C10orf67: variants seen among roughly 807,000 people sequenced by gnomAD.
C10orf67 encodes the protein chromosome 10 open reading frame 67, also known as uncharacterized protein C10orf67, mitochondrial.
C10orf67 carries 60 observed loss-of-function variants against 35.6 expected under a neutral mutation model. The ratio of observed to expected loss-of-function variants is 1.68; its 90% CI spans 1.37 to 2.09. C10orf67 has a LOEUF of 2.09. Ranked by LOEUF, C10orf67 falls within the 30% of genes most tolerant of loss-of-function variation. The probability of loss-of-function intolerance (pLI) is 0.00; values close to 1 mark genes in which losing one functional copy is unlikely to be tolerated. For missense variants in C10orf67, 474 were observed against 330.2 expected, an observed-to-expected ratio of 1.44 and a Z score of -3.38; for synonymous variants, 167 against 115.8, an observed-to-expected ratio of 1.44 and a Z score of -2.84.
intron 15 of C10orf67, among the ~76,000 whole-genome samples, chr10:23,216,767 A>G (rs1486862608): frequency 6.6e-6 from 1 of 152,176 alleles, no homozygotes; most frequent in Admixed American, 6.5e-5. Context: ...AAACATGCCA[A>G]ATGATGTTAT....
chr10:23,262,675 C>T (rs1437616534), intron 10 of C10orf67, among the ~76,000 whole-genome samples: 3 of 152,174 alleles, frequency 2.0e-5, no homozygotes, highest in Non-Finnish European at 4.4e-5. Flanking sequence ...TTTTTGACAA[C>T]ATCTTTTCAT....
intron 1 of C10orf67, among the ~76,000 whole-genome samples, chr10:23,339,292 G>T (rs1447829804): frequency 6.6e-6 from 1 of 151,678 alleles, no homozygotes; most frequent in African/African-American, 2.4e-5. Flanking sequence ...CAATTGGGTT[G>T]CTGGTGAACA....
chr10:23,329,787 GA>G (rs2132374476), intron 2 of C10orf67, among the ~76,000 whole-genome samples: 1 of 12,834 alleles, frequency 7.8e-5, no homozygotes, highest in Non-Finnish European at 1.5e-4. Context: ...AACAGAACAA[GA>G]ACTTGTCTCA....
At chr10:23,324,224 T>C (rs1845094851) in intron 2 of C10orf67, among the ~76,000 whole-genome samples, 1 of 151,728 alleles carries the variant, frequency 6.6e-6, no homozygotes, top group South Asian at 2.1e-4. Context: ...CTGATGTAGA[T>C]TCTCTAGAGA....
At chr10:23,221,062 C>G (rs1379028925) in intron 15 of C10orf67, among the ~76,000 whole-genome samples, 1 of 152,146 alleles carries the variant, frequency 6.6e-6, no homozygotes, top group Non-Finnish European at 1.5e-5. Flanking sequence ...AGTCCATTCT[C>G]ATGCTGCTAT....
chr10:23,315,364 T>C (rs1241031375), intron 4 of C10orf67, among the ~76,000 whole-genome samples: 1 of 152,198 alleles, frequency 6.6e-6, no homozygotes, highest in Non-Finnish European at 1.5e-5. Flanking sequence ...TGATATACAT[T>C]AGAAATAGAT....
chr10:23,234,447 C>G (rs1294780754), intron 13 of C10orf67, among the ~76,000 whole-genome samples: 1 of 152,120 alleles, frequency 6.6e-6, no homozygotes, highest in Non-Finnish European at 1.5e-5. Flanking sequence ...ACTGCATGTT[C>G]TCCCTTATAA....
chr10:23,298,540 T>C (rs1221415899), intron 5 of C10orf67, among the ~76,000 whole-genome samples: 1 of 152,224 alleles, frequency 6.6e-6, no homozygotes, highest in Non-Finnish European at 1.5e-5. Context: ...GTTTCCTTAA[T>C]TAGTGTATAT....
chr10:23,265,326 G>T (rs1842859709), intron 10 of C10orf67, among the ~76,000 whole-genome samples: 1 of 152,218 alleles, frequency 6.6e-6, no homozygotes, highest in South Asian at 2.1e-4. Flanking sequence ...TGCACACGGT[G>T]TGCACAATTC....
At chr10:23,283,750 C>T (rs1387371726) in intron 7 of C10orf67, among the ~76,000 whole-genome samples, 2 of 152,128 alleles carry the variant, frequency 1.3e-5, no homozygotes, top group Non-Finnish European at 2.9e-5. Flanking sequence ...TCTAACTGCT[C>T]TTCTCGGGGC....
At chr10:23,255,141 A>G (rs1407665199) in intron 10 of C10orf67, among the ~76,000 whole-genome samples, 1 of 152,176 alleles carries the variant, frequency 6.6e-6, no homozygotes, top group African/African-American at 2.4e-5. Context: ...ACAAGGACCA[A>G]CCTCATGCAC....
intron 8 of C10orf67, among the ~76,000 whole-genome samples, chr10:23,281,507 C>T (rs1276977303): frequency 6.6e-6 from 1 of 151,846 alleles, no homozygotes; most frequent in Non-Finnish European, 1.5e-5. Flanking sequence ...GGGCAGGGGG[C>T]TGCTGTGGCG....
Position 23,343,935 on chromosome 10 carries a change from G to A in C10orf67, c.206+634C>T, listed in dbSNP as rs10466085. ...GGTTGAACTGGAATTGTTCAATAGA[G>A]GCCTCGAGGCCCTCCATGATCTTCC... is the stretch of plus-strand genomic sequence containing the variant. On this transcript the variant is annotated intron_variant, in intron 1 of 15. Coordinates refer to ENST00000636213, the MANE Select transcript of C10orf67 (RefSeq NM_001371909.1). 984 of 466,558 alleles carry A rather than the reference G, an allele frequency of 2.1e-3. 9 individuals carry two copies. Among genetic ancestry groups the A allele is most frequent in the African/African-American group, 0.018 (912 of 49,456 alleles). The allele number at this position is 466,558 out of a possible 1,614,324, so 28.9% of individuals were successfully genotyped here.
In C10orf67 at chr10:23,344,770, G is replaced by A. The variant is rs1331721958; in HGVS notation, c.5C>T (p.Ala2Val). The A allele has an allele frequency of 6.4e-7, 1 of 1,559,296 alleles. No individual in the cohort carries two copies. Among genetic ancestry groups the A allele is most frequent in the East Asian group, 2.4e-5 (1 of 41,460 alleles). M[A>V]LVRDRRAHYV... ...ATGAGCCCTGCGATCCCGGACCAAG[G>A]CCATCATAAGAGGAGAGCAGGCTGC... Residue 2 changes from alanine (A) to valine (V), a missense_variant, in exon 1 of 16, where the codon GCC becomes GTC. By Grantham distance (64) the Ala-to-Val change is moderately conservative. Transcript: ENST00000636213.
At chr10:23,313,678 T>C (rs529075817) in intron 4 of C10orf67, among the ~76,000 whole-genome samples, 126 of 151,696 alleles carry the variant, frequency 8.3e-4, no homozygotes, top group Non-Finnish European at 1.2e-3. Flanking sequence ...AGGGAGGTGG[T>C]TAATAACTTG....
intron 9 of C10orf67, 126 bp downstream of exon 9, chr10:23,267,069 T>G: frequency 3.4e-6 from 2 of 593,960 alleles, no homozygotes; most frequent in Non-Finnish European, 6.0e-6. Flanking sequence ...AAGAACTTTC[T>G]TTTTCAAACT....
intron 15 of C10orf67, among the ~76,000 whole-genome samples, chr10:23,217,017 A>T (rs944689183): frequency 1.3e-5 from 2 of 152,200 alleles, no homozygotes; most frequent in Admixed American, 6.5e-5. Flanking sequence ...CTCATAAAAA[A>T]TTTTCTACAT....
intron 9 of C10orf67, among the ~76,000 whole-genome samples, chr10:23,266,746 T>G (rs546158007): frequency 6.6e-6 from 1 of 152,186 alleles, no homozygotes; most frequent in Admixed American, 6.5e-5. Flanking sequence ...GGCTTGTATC[T>G]AGGTAGGAAG....
chr10:23,311,055 C>T (rs965944659), intron 4 of C10orf67, among the ~76,000 whole-genome samples: 1 of 152,108 alleles, frequency 6.6e-6, no homozygotes, highest in Non-Finnish European at 1.5e-5. Context: ...CAGCTTCTAA[C>T]TTCTGGGCTG....
Sources: gnomAD v4.1 joint callset for allele counts (sites outside exome capture counted in the v4.1 genomes callset) on GRCh38, gnomAD v4.1.1 for gene constraint, MANE v1.5 for transcripts, NCBI Gene and HGNC (gene_info 2026-07-23, HGNC 2026-07-21) for gene names.